The following PLA2G4C variants were observed in gnomAD, a reference collection of about 807,000 sequenced individuals.
PLA2G4C encodes phospholipase A2 group IVC.
Under a neutral mutation model 73.8 loss-of-function variants are expected in PLA2G4C, and 64 were observed. The observed-to-expected ratio is 0.87, with a 90% CI of 0.71 to 1.07. The LOEUF is 1.07. PLA2G4C is among the 50% of genes least tolerant of loss of function. The pLI, the probability that PLA2G4C is intolerant of heterozygous loss-of-function variation, is 0.00. For missense variants in PLA2G4C, 622 were observed against 665.4 expected, an observed-to-expected ratio of 0.93 and a Z score of 0.72; for synonymous variants, 254 against 252.1, an observed-to-expected ratio of 1.01 and a Z score of -0.07.
rs1555750806 is a variant in PLA2G4C at position 48,088,716 on chromosome 19, C to A, written c.764-4G>T. Reference sequence around the variant, plus strand: ...AGGGTCAGATTCCTTAACTGGTCTGCAAAAGAGTAGAAGCAGGAGGAATGT... The same window carrying A: ...AGGGTCAGATTCCTTAACTGGTCTGAAAAAGAGTAGAAGCAGGAGGAATGT... On this transcript the variant is annotated splice_polypyrimidine_tract_variant and splice_region_variant and intron_variant, in intron 8 of 16. Coordinates refer to ENST00000599921, the MANE Select transcript of PLA2G4C (RefSeq NM_003706.3). 1.9e-6 allele frequency: 3 copies of A among 1,600,574 alleles called. No homozygotes were observed. Among genetic ancestry groups the A allele is most frequent in the Non-Finnish European group, 2.6e-6 (3 of 1,167,634 alleles).
Position 48,091,945 on chromosome 19 carries a change from A to T in PLA2G4C, c.710-1528T>A, listed in dbSNP as rs115482427. Among the ~76,000 whole-genome samples, 725 of 150,128 alleles carry T rather than the reference A, an allele frequency of 4.8e-3. 9 individuals carry two copies. The highest frequency in any genetic ancestry group is 0.017 in the African/African-American group (686 of 40,384). The stretch of plus-strand genomic sequence containing the variant: ...CATTAGGATGGCTGGTATCCAAAAA[A>T]CCCCAGAAAACAATAAGTGTTGATG... On this transcript the variant is annotated intron_variant, in intron 7 of 16. Coordinates refer to ENST00000599921, the MANE Select transcript of PLA2G4C (RefSeq NM_003706.3).
chr19:48,073,154 T>G (rs1171641253), intron 12 of PLA2G4C: 1 of 152,702 alleles, frequency 6.5e-6, no homozygotes, highest in East Asian at 1.9e-4. Flanking sequence ...CAAGTGATCC[T>G]CCTGCCTCAG....
intron 9 of PLA2G4C, among the ~76,000 whole-genome samples, chr19:48,088,359 C>T (rs2031102066): frequency 7.4e-6 from 1 of 135,556 alleles, no homozygotes; most frequent in South Asian, 2.4e-4. Context: ...AAGTCACATC[C>T]TTAAGCGGAA....
intron 16 of PLA2G4C, among the ~76,000 whole-genome samples, chr19:48,050,843 T>G (rs1967700512): frequency 1.3e-5 from 2 of 151,818 alleles, no homozygotes; most frequent in Non-Finnish European, 1.5e-5. Flanking sequence ...CCTTGCTATT[T>G]TTTTGTACTT....
intron 12 of PLA2G4C, among the ~76,000 whole-genome samples, chr19:48,070,681 G>A (rs924083929): frequency 3.9e-5 from 6 of 152,056 alleles, no homozygotes; most frequent in African/African-American, 1.4e-4. Flanking sequence ...CTTATAAGTG[G>A]CAGCTGAATG....
intron 2 of PLA2G4C, 146 bp from the exon 3 acceptor site, chr19:48,105,590 T>C (rs1167178691): frequency 6.4e-6 from 4 of 620,948 alleles, no homozygotes; most frequent in Admixed American, 5.8e-5. Flanking sequence ...GAAAATATTC[T>C]GAAACTAGAT....
intron 14 of PLA2G4C, 57 bp downstream of exon 14, chr19:48,061,941 A>G (rs553961272): frequency 2.5e-6 from 4 of 1,574,826 alleles, no homozygotes; most frequent in East Asian, 4.6e-5. Flanking sequence ...CCGCAAAGTC[A>G]GCTTCGCCGC....
intron 15 of PLA2G4C, among the ~76,000 whole-genome samples, chr19:48,053,550 T>A (rs534818780): frequency 6.6e-6 from 1 of 152,060 alleles, no homozygotes; most frequent in Non-Finnish European, 1.5e-5. Context: ...TTTGTATTTT[T>A]TAATAGAGAC....
At chr19:48,057,805 T>C (rs999835319) in intron 14 of PLA2G4C, among the ~76,000 whole-genome samples, 1 of 150,632 alleles carries the variant, frequency 6.6e-6, no homozygotes, top group Non-Finnish European at 1.5e-5. Flanking sequence ...TTATTTTATA[T>C]TGAGTTGAAT....
At chr19:48,098,084 A>G in intron 6 of PLA2G4C, 55 bp downstream of exon 6, 1 of 1,581,556 alleles carries the variant, frequency 6.3e-7, no homozygotes, top group African/African-American at 1.4e-5. Context: ...CTTCCATTCC[A>G]CTCCGTGCTG....
chr19:48,083,392 C>CTTTTTTTTTTTTTTTTT, intron 10 of PLA2G4C, among the ~76,000 whole-genome samples: 1 of 105,838 alleles, frequency 9.4e-6, no homozygotes, highest in Admixed American at 9.6e-5. Context: ...ATTTTCTTTT[C>CTTTTTTTTTTTTTTTTT]TTTTTTTTTT....
intron 12 of PLA2G4C, among the ~76,000 whole-genome samples, chr19:48,073,787 G>C (rs1030088433): frequency 6.6e-6 from 1 of 151,816 alleles, no homozygotes; most frequent in African/African-American, 2.4e-5. Context: ...AGGAGCAAGA[G>C]AGCGAGGGGG....
At position 48,075,387 on chromosome 19, in the gene PLA2G4C, A is replaced by G. The variant is rs538668019; in HGVS notation, c.899-513T>C. Among the ~76,000 whole-genome samples the G allele has an allele frequency of 2.6e-5, 4 of 151,710 alleles. No homozygotes were observed. In the South Asian group the frequency reaches 8.3e-4, roughly 32 times the overall value. ...TTTTTAGTACTGATGGGGTTTTACCATGTTGGCCAGGCTGGTCTCGAACTC... is the reference window on the plus strand; with the variant it reads ...TTTTTAGTACTGATGGGGTTTTACCGTGTTGGCCAGGCTGGTCTCGAACTC... On this transcript the variant is annotated intron_variant, in intron 11 of 16. Coordinates refer to ENST00000599921, the MANE Select transcript of PLA2G4C (RefSeq NM_003706.3).
intron 10 of PLA2G4C, among the ~76,000 whole-genome samples, chr19:48,081,120 G>A (rs183057726): frequency 0.02 from 3,051 of 151,074 alleles, 99 homozygotes; most frequent in African/African-American, 0.069. Context: ...AGCCGAGATC[G>A]CGCCACTGCA....
intron 11 of PLA2G4C, among the ~76,000 whole-genome samples, chr19:48,076,614 T>C (rs111404669): frequency 6.6e-6 from 1 of 151,902 alleles, no homozygotes; most frequent in Non-Finnish European, 1.5e-5. Context: ...GTGGTGGCAG[T>C]TGCCTGTAAT....
At chr19:48,099,971 G>A (rs377101402) in intron 4 of PLA2G4C, 111 bp from the exon 5 acceptor site, 13 of 657,168 alleles carry the variant, frequency 2.0e-5, no homozygotes, top group East Asian at 8.3e-5. Flanking sequence ...TCATGGAGAG[G>A]GCGACACACA....
At chr19:48,100,295 T>A (rs969331618) in intron 4 of PLA2G4C, among the ~76,000 whole-genome samples, 2 of 152,014 alleles carry the variant, frequency 1.3e-5, no homozygotes, top group Non-Finnish European at 2.9e-5. Context: ...GGCGGGAGGA[T>A]TGCCTGAGGT....
rs138105821 is a variant in PLA2G4C, at chr19:48,110,506, G to A, written c.-52C>T. On this transcript the variant is annotated 5_prime_UTR_variant, in exon 1 of 17. The change creates a new upstream start codon in the 5' untranslated region. Transcript: ENST00000599921. ...GCTTGCCTGAGCCTGGGTCTGGGGCGTGTGCGCATGCGCGGTGGAGCTTGT... is the reference window on the plus strand; with the variant it reads ...GCTTGCCTGAGCCTGGGTCTGGGGCATGTGCGCATGCGCGGTGGAGCTTGT... The A allele has an allele frequency of 0.016, 17,569 of 1,077,264 alleles. 174 individuals are homozygous for A. Among genetic ancestry groups the A allele is most frequent in the Middle Eastern group, 0.069 (259 of 3,778 alleles). The allele number at this position is 1,077,264 out of a possible 1,614,324, so 66.7% of individuals were successfully genotyped here. A position where few individuals can be genotyped will look rare whatever the true frequency, so the allele number is the denominator to read the frequency against.
intron 4 of PLA2G4C, among the ~76,000 whole-genome samples, chr19:48,100,882 C>G (rs1214208570): frequency 6.8e-6 from 1 of 148,052 alleles, no homozygotes; most frequent in East Asian, 2.0e-4. Context: ...CCACTGCACT[C>G]CAGCCTGGGC....
Sources: allele counts gnomAD v4.1 joint callset (sites outside exome capture counted in the v4.1 genomes callset), GRCh38; gene constraint gnomAD v4.1.1; transcripts MANE v1.5; gene names NCBI Gene and HGNC (gene_info 2026-07-23, HGNC 2026-07-21).